Variants in ACTL8 observed in about 807,000 individuals in gnomAD.
ACTL8 encodes the protein actin like 8.
Under a neutral mutation model 9.3 loss-of-function variants are expected in ACTL8, and 3 were observed. That is an observed-to-expected ratio of 0.32 (90% CI 0.15 to 0.83). The LOEUF (loss-of-function observed/expected upper bound fraction) is 0.83. Ranked by LOEUF, ACTL8 falls within the 40% of genes least tolerant of loss-of-function variation. The pLI is 0.57. For missense variants in ACTL8, 381 were observed against 492.2 expected, an observed-to-expected ratio of 0.77 and a Z score of 2.14; for synonymous variants, 224 against 205.9, an observed-to-expected ratio of 1.09 and a Z score of -0.75.
intron 1 of ACTL8, among the ~76,000 whole-genome samples, chr1:17,790,524 G>C (rs536479154): frequency 2.0e-4 from 30 of 152,318 alleles, no homozygotes; most frequent in African/African-American, 7.2e-4. Flanking sequence ...CCCGATGTCT[G>C]CTCAGCTCTG....
At chr1:17,803,190 A>T (rs2102693903) in intron 1 of ACTL8, among the ~76,000 whole-genome samples, 1 of 152,128 alleles carries the variant, frequency 6.6e-6, no homozygotes, top group African/African-American at 2.4e-5. Context: ...TTGTTTTATA[A>T]GGGGTTTCCC....
intron 1 of ACTL8, among the ~76,000 whole-genome samples, chr1:17,770,867 AG>A (rs1289227957): frequency 6.6e-6 from 1 of 152,114 alleles, no homozygotes; most frequent in Non-Finnish European, 1.5e-5. Context: ...CGGGAAGAAT[AG>A]GGGAAGTGGG....
rs755367792 is a variant in ACTL8, at chr1:17,791,349, T to C, written c.-24-31636T>C. 9.2e-5 allele frequency among the ~76,000 whole-genome samples: 14 copies of C among 151,676 alleles called. 1 individual carries two copies. Among genetic ancestry groups the C allele is most frequent in the African/African-American group, 3.1e-4 (13 of 41,356 alleles). On this transcript the variant is annotated intron_variant, in intron 1 of 2. Transcript: ENST00000375406. The stretch of plus-strand genomic sequence containing the variant: ...CTGCCATCACCTTGATACCACCTCA[T>C]TGGCTACGAAGAGGAAACTGTGTTC...
intron 1 of ACTL8, among the ~76,000 whole-genome samples, chr1:17,812,009 T>A (rs771369819): frequency 7.8e-6 from 1 of 128,886 alleles, no homozygotes; most frequent in Non-Finnish European, 1.7e-5. Flanking sequence ...CCACTGAACC[T>A]GGCTAATTTT....
chr1:17,762,767 G>T (rs2066015922), intron 1 of ACTL8, among the ~76,000 whole-genome samples: 2 of 152,020 alleles, frequency 1.3e-5, no homozygotes, highest in South Asian at 4.1e-4. Context: ...GGTGCCCCCC[G>T]CCCCCCAAGG....
chr1:17,772,488 CCTCATAACT>C (rs2102678972), intron 1 of ACTL8, among the ~76,000 whole-genome samples: 1 of 151,906 alleles, frequency 6.6e-6, no homozygotes, highest in South Asian at 2.1e-4. Context: ...ATACTGGATC[CCTCATAACT>C]TCTGATCCCA....
intron 1 of ACTL8, among the ~76,000 whole-genome samples, chr1:17,820,706 T>G (rs1159191794): frequency 6.6e-6 from 1 of 152,156 alleles, no homozygotes; most frequent in Non-Finnish European, 1.5e-5. Context: ...TAGCTGGGAT[T>G]ACAGGTATGT....
In ACTL8 at chr1:17,822,998, C is replaced by T; in HGVS notation, c.-11C>T. 6.2e-7 allele frequency: 1 copy of T among 1,609,630 alleles called. No homozygotes were observed. The highest frequency in any genetic ancestry group is 8.5e-7 in the Non-Finnish European group (1 of 1,177,666). ...TTGCTTCCGCAGGTCCCACCCACCT[C>T]TGCCTCCGCCATGGCTGCAAGAACC... On this transcript the variant is annotated 5_prime_UTR_variant, in exon 2 of 3. Coordinates refer to ENST00000375406, the MANE Select transcript of ACTL8 (RefSeq NM_030812.3).
chr1:17,825,832 T>C lies in ACTL8; in HGVS notation c.414T>C (p.Tyr138=), dbSNP rs377152982. 48 of 1,614,162 alleles carry C rather than the reference T, an allele frequency of 3.0e-5. No homozygotes were observed. Among genetic ancestry groups the C allele is most frequent in the Non-Finnish European group, 3.8e-5 (45 of 1,180,042 alleles). The change falls in exon 3 of 3, where the codon TAT becomes TAC. Residue 138 remains tyrosine (Y), a synonymous_variant. Transcript: ENST00000375406. ...LLADQLQMSL[Y]ASGLLTGVVV... ...CCGACCAGCTGCAGATGTCCCTGTA[T>C]GCCTCTGGCCTCCTGACCGGAGTGG...
At position 17,805,377 on chromosome 1, in the gene ACTL8, CTTT is replaced by C. The variant is rs56870755; in HGVS notation, c.-24-17584_-24-17582del. On this transcript the variant is annotated intron_variant, in intron 1 of 2. Coordinates refer to ENST00000375406, the MANE Select transcript of ACTL8 (RefSeq NM_030812.3). Reference sequence around the variant, plus strand: ...ATAGATATATTTTCTTTTTCTTTTTCTTTTTTTTTTTTTTTTTTTTTTTTTTGA... The same window carrying C: ...ATAGATATATTTTCTTTTTCTTTTTCTTTTTTTTTTTTTTTTTTTTTTTGA... 4.9e-3 allele frequency among the ~76,000 whole-genome samples: 488 copies of C among 99,952 alleles called. 1 individual carries two copies. Among genetic ancestry groups the C allele is most frequent in the African/African-American group, 0.021 (455 of 22,148 alleles). 65.6% of individuals were successfully genotyped at this position (99,952 alleles called of 152,430 possible).
At position 17,783,994 on chromosome 1, in the gene ACTL8, G is replaced by A. The variant is rs184195214; in HGVS notation, c.-25+28490G>A. Among the ~76,000 whole-genome samples, 11 of 152,302 alleles carry A rather than the reference G, an allele frequency of 7.2e-5. No individual in the cohort carries two copies. In the East Asian group the frequency reaches 1.7e-3, roughly 24 times the overall value. On this transcript the variant is annotated intron_variant, in intron 1 of 2. Transcript: ENST00000375406. ...AGACTTGGCCGAGCTGCTTAAGCAT[G>A]TTGAGCCTTAGTTGTCTAGTCTGTG...
At chr1:17,821,663 C>G (rs553253626) in intron 1 of ACTL8, among the ~76,000 whole-genome samples, 2 of 151,866 alleles carry the variant, frequency 1.3e-5, no homozygotes, top group African/African-American at 4.8e-5. Flanking sequence ...GAGTCTCACT[C>G]TGTCGCCTAG....
chr1:17,782,673 TC>T (rs1413757870), intron 1 of ACTL8, among the ~76,000 whole-genome samples: 2 of 152,200 alleles, frequency 1.3e-5, no homozygotes, highest in Non-Finnish European at 2.9e-5. Context: ...CCTTAACCAG[TC>T]TTCTGCTTCT....
intron 1 of ACTL8, among the ~76,000 whole-genome samples, chr1:17,788,416 C>T (rs2066213908): frequency 6.6e-6 from 1 of 152,224 alleles, no homozygotes; most frequent in African/African-American, 2.4e-5. Flanking sequence ...GCTTCCCAGC[C>T]AGGATACAAG....
At chr1:17,816,685 G>C (rs1470313766) in intron 1 of ACTL8, among the ~76,000 whole-genome samples, 1 of 152,142 alleles carries the variant, frequency 6.6e-6, no homozygotes. Context: ...TGTGAGTTCA[G>C]TACAAAGGCC....
chr1:17,755,954 T>C (rs2065966736), intron 1 of ACTL8, among the ~76,000 whole-genome samples: 1 of 151,504 alleles, frequency 6.6e-6, no homozygotes. Context: ...GGTGGGGGGC[T>C]GTTCCTTGGG....
intron 1 of ACTL8, among the ~76,000 whole-genome samples, chr1:17,775,229 G>T (rs187210604): frequency 6.2e-4 from 95 of 152,300 alleles, no homozygotes; most frequent in Middle Eastern, 3.4e-3. Flanking sequence ...ACCGAGGGCT[G>T]ATGTCAGCCA....
intron 1 of ACTL8, among the ~76,000 whole-genome samples, chr1:17,803,702 G>A (rs1354731963): frequency 6.6e-6 from 1 of 152,194 alleles, no homozygotes; most frequent in African/African-American, 2.4e-5. Flanking sequence ...TGGGGAGTGA[G>A]AGTGTATGCT....
At chr1:17,772,504 C>G (rs2066089600) in intron 1 of ACTL8, among the ~76,000 whole-genome samples, 1 of 152,084 alleles carries the variant, frequency 6.6e-6, no homozygotes, top group Admixed American at 6.5e-5. Context: ...AACTTCTGAT[C>G]CCACCCATTA....
Sources: allele counts gnomAD v4.1 joint callset (sites outside exome capture counted in the v4.1 genomes callset), GRCh38; gene constraint gnomAD v4.1.1; transcripts MANE v1.5; gene names NCBI Gene and HGNC (gene_info 2026-07-23, HGNC 2026-07-21).